DNASE1: variants seen among roughly 807,000 people sequenced by gnomAD.
The protein encoded by DNASE1 is deoxyribonuclease 1.
In DNASE1, 40 loss-of-function variants were observed where a neutral mutation model predicts 33.9. That is an observed-to-expected ratio of 1.18 (90% CI 0.92 to 1.54). The LOEUF (loss-of-function observed/expected upper bound fraction) is 1.54. Among genes scored for constraint, DNASE1 ranks in the 40% most tolerant of loss-of-function variants. The pLI is 0.00. For missense variants in DNASE1, 518 were observed against 372.6 expected, an observed-to-expected ratio of 1.39 and a Z score of -3.21; for synonymous variants, 216 against 160.0, an observed-to-expected ratio of 1.35 and a Z score of -2.64.
Position 3,655,473 on chromosome 16 carries a change from G to C in DNASE1, c.100G>C (p.Gly34Arg). Residue 34 changes from glycine (G) to arginine (R), a missense_variant, in exon 2 of 9, where the codon GGG (glycine) becomes CGG (arginine). Gly to Arg is a moderately radical substitution (Grantham distance 125). Coordinates refer to ENST00000246949, the MANE Select transcript of DNASE1 (RefSeq NM_005223.4). ...KIAAFNIQTF[G>R]ETKMSNATLV... ...CGCAGCCTTCAACATCCAGACATTT[G>C]GGGAGACCAAGATGTCCAATGCCAC... The C allele has an allele frequency of 6.2e-7, 1 of 1,614,150 alleles. No homozygotes were observed. The highest frequency in any genetic ancestry group is 1.3e-5 in the African/African-American group (1 of 75,058).
chr16:3,660,834 G>A (rs1250218385), downstream of DNASE1: 3 of 152,188 alleles, frequency 2.0e-5, no homozygotes, highest in Non-Finnish European at 4.4e-5. Flanking sequence ...TAAGGCAGGT[G>A]GATTGTTTGA....
At chr16:3,641,917 G>A (rs1416923328), upstream of DNASE1, among the ~76,000 whole-genome samples, 1 of 152,216 alleles carries the variant, frequency 6.6e-6, no homozygotes, top group Non-Finnish European at 1.5e-5. Flanking sequence ...CTTCCCAGCC[G>A]TCCCACCCAG....
chr16:3,645,307 G>A (rs2151197115), intron 1 of DNASE1, among the ~76,000 whole-genome samples: 1 of 152,266 alleles, frequency 6.6e-6, no homozygotes, highest in Middle Eastern at 3.4e-3. Context: ...TTTGTACTTG[G>A]GAGAGACCGA....
intron 1 of DNASE1, among the ~76,000 whole-genome samples, chr16:3,644,949 C>G (rs1023590819): frequency 6.6e-6 from 1 of 151,720 alleles, no homozygotes; most frequent in Non-Finnish European, 1.5e-5. Context: ...GGCAACATGG[C>G]AAAACTCCAT....
At chr16:3,661,843 AACTGCAT>A (rs2043094433), downstream of DNASE1, 1 of 1,119,524 alleles carries the variant, frequency 8.9e-7, no homozygotes. Context: ...GTGCAGCCTA[AACTGCAT>A]ACAGCTCCTT....
downstream of DNASE1, chr16:3,658,152 C>A: frequency 6.2e-7 from 1 of 1,614,106 alleles, no homozygotes; most frequent in Non-Finnish European, 8.5e-7. Flanking sequence ...AGGGCCTTGA[C>A]AAGCAGCTCA....
intron 1 of DNASE1, among the ~76,000 whole-genome samples, chr16:3,649,596 C>G (rs1469980598): frequency 6.6e-6 from 1 of 152,212 alleles, no homozygotes; most frequent in East Asian, 1.9e-4. Context: ...AAATCTAACT[C>G]AGGCATATGC....
intron 1 of DNASE1, among the ~76,000 whole-genome samples, chr16:3,622,339 G>C (rs1048211139): frequency 6.6e-6 from 1 of 151,818 alleles, no homozygotes; most frequent in Non-Finnish European, 1.5e-5. Context: ...CTATTTCAGC[G>C]GTTAAAAATT....
At chr16:3,632,570 C>G (rs1417019423) in intron 1 of DNASE1, among the ~76,000 whole-genome samples, 1 of 150,218 alleles carries the variant, frequency 6.7e-6, no homozygotes, top group African/African-American at 2.4e-5. Context: ...TTTTCCATCT[C>G]TTTAATTTTT....
At chr16:3,628,546 C>T (rs1238473979) in intron 1 of DNASE1, among the ~76,000 whole-genome samples, 1 of 151,354 alleles carries the variant, frequency 6.6e-6, no homozygotes, top group African/African-American at 2.4e-5. Context: ...ATTCAATGTG[C>T]ATTTCTGTTT....
At chr16:3,640,633 C>G, upstream of DNASE1, 1 of 397,904 alleles carries the variant, frequency 2.5e-6, no homozygotes, top group Non-Finnish European at 4.4e-6. Context: ...AACAGCCTGT[C>G]AGGAGTTTGC....
In DNASE1 at chr16:3,633,853, G is replaced by T. The variant is rs545908007; in HGVS notation, c.-1358-6862G>T. 1.3e-3 allele frequency among the ~76,000 whole-genome samples: 194 copies of T among 152,100 alleles called. 1 individual carries two copies. The highest frequency in any genetic ancestry group is 3.4e-3 in the Middle Eastern group (1 of 294). On this transcript the variant is annotated intron_variant and NMD_transcript_variant, in intron 1 of 11. Transcript: ENST00000570769. ...AGACCGAGTCTCGCTCTGTCGCCCA[G>T]GCTGAAGTGCGGTGGCTCGATCTCG... is the stretch of plus-strand genomic sequence containing the variant.
chr16:3,663,000 C>G, downstream of DNASE1: 1 of 1,547,940 alleles, frequency 6.5e-7, no homozygotes, highest in Non-Finnish European at 8.7e-7. Flanking sequence ...GAGCTCAGGC[C>G]TGCATCCCAA....
chr16:3,638,037 C>T (rs940586044), upstream of DNASE1, among the ~76,000 whole-genome samples: 2 of 151,678 alleles, frequency 1.3e-5, no homozygotes, highest in African/African-American at 4.8e-5. Flanking sequence ...GAATGAAAGT[C>T]CTTTGCCTTC....
intron 1 of DNASE1, among the ~76,000 whole-genome samples, chr16:3,619,509 C>T (rs1184000734): frequency 6.6e-6 from 1 of 151,574 alleles, no homozygotes; most frequent in Non-Finnish European, 1.5e-5. Context: ...CTACAGGCTC[C>T]CGCCACCACG....
rs987395633 is a variant in DNASE1 at position 3,619,704 on chromosome 16, T to C, written c.-1359+7698T>C. On this transcript the variant is annotated intron_variant and NMD_transcript_variant, in intron 1 of 11. Transcript: ENST00000570769. ...AAAAAATTTTTTTTGTAGACACAGG[T>C]CTTGCTATGTTGCCCAGGATGATCT... 1.1e-4 allele frequency among the ~76,000 whole-genome samples: 16 copies of C among 151,376 alleles called. 1 individual carries two copies. The highest frequency in any genetic ancestry group is 3.9e-4 in the African/African-American group (16 of 41,226).
chr16:3,622,672 G>C (rs895301851), intron 1 of DNASE1, among the ~76,000 whole-genome samples: 2 of 152,038 alleles, frequency 1.3e-5, no homozygotes, highest in Admixed American at 1.3e-4. Flanking sequence ...GGCTAGACTT[G>C]AACTCCTGGG....
At chr16:3,659,652 C>G (rs1375949231), downstream of DNASE1, 1 of 152,088 alleles carries the variant, frequency 6.6e-6, no homozygotes, top group Non-Finnish European at 1.5e-5. Context: ...TACAACCTCT[C>G]CAGAGGACAA....
chr16:3,663,235 A>C (rs541316452), exon 10 of DNASE1: 2 of 755,096 alleles, frequency 2.6e-6, no homozygotes, highest in African/African-American at 3.5e-5. Flanking sequence ...GGAGCACTGG[A>C]CAGACCCCTG....
Sources: allele counts gnomAD v4.1 joint callset (sites outside exome capture counted in the v4.1 genomes callset), GRCh38; gene constraint gnomAD v4.1.1; transcripts MANE v1.5; gene names NCBI Gene and HGNC (gene_info 2026-07-23, HGNC 2026-07-21).